Variants in EFHD2 observed in about 807,000 individuals in gnomAD.
The protein encoded by EFHD2 is EF-hand domain family member D2.
EFHD2 carries 12 observed loss-of-function variants against 20.3 expected under a neutral mutation model. The observed-to-expected ratio is 0.59, with a 90% CI of 0.38 to 0.96. The LOEUF (loss-of-function observed/expected upper bound fraction) is 0.96, where lower values mean the gene tolerates loss of function less well. Ranked by LOEUF, EFHD2 falls within the 40% of genes least tolerant of loss-of-function variation. The probability of loss-of-function intolerance (pLI) is 0.00; values close to 1 mark genes in which losing one functional copy is unlikely to be tolerated. For synonymous variants in EFHD2, 131 were observed against 143.9 expected (o/e 0.91, Z 0.64); for missense variants, 250 against 334.3 (o/e 0.75, Z 1.97).
chr1:15,426,085 A>G lies in EFHD2; in HGVS notation c.456+67A>G, dbSNP rs1177039112. ...ACCTGAGGACCTGGTGGCCCGGGAG[A>G]GACCAACCCCCACCCTTTGTCAATG... On this transcript the variant is annotated intron_variant, in intron 2 of 3. Transcript: ENST00000375980. The surrounding 1 kb of genome is among the most constrained non-coding windows in gnomAD (Gnocchi z 4.6). 1.4e-6 allele frequency: 2 copies of G among 1,464,920 alleles called. No homozygotes were observed. The highest frequency in any genetic ancestry group is 2.9e-5 in the African/African-American group (2 of 68,522). 90.7% of individuals were successfully genotyped at this position (1,464,920 alleles called of 1,614,324 possible).
At chr1:15,417,937 G>A (rs1397468750) in intron 1 of EFHD2, among the ~76,000 whole-genome samples, 1 of 151,172 alleles carries the variant, frequency 6.6e-6, no homozygotes, top group Non-Finnish European at 1.5e-5. Context: ...ACTGTGCAGT[G>A]CAGCTTGGGG....
rs1284136166 is a variant in EFHD2 at position 15,426,602 on chromosome 1, G to C, written c.457-548G>C. ...GCCCAACTGGGGCCCAGGAGGTCTG[G>C]CAGGAAGCATGAAGGATGCAGGGAA... On this transcript the variant is annotated intron_variant, in intron 2 of 3. Transcript: ENST00000375980. This position sits in a 1 kb window ranked among gnomAD's most constrained non-coding sequence, Gnocchi z 4.6. 6.6e-6 allele frequency among the ~76,000 whole-genome samples: 1 copy of C among 152,180 alleles called. No homozygotes were observed. The highest frequency in any genetic ancestry group is 1.5e-5 in the Non-Finnish European group (1 of 68,046).
chr1:15,418,125 G>T (rs1380743987), intron 1 of EFHD2, among the ~76,000 whole-genome samples: 2 of 149,916 alleles, frequency 1.3e-5, no homozygotes, highest in East Asian at 2.0e-4. Context: ...TAGTAGCTGG[G>T]ATTACAGGCA....
intron 1 of EFHD2, among the ~76,000 whole-genome samples, chr1:15,424,617 C>A (rs1707843234): frequency 6.6e-6 from 1 of 152,240 alleles, no homozygotes; most frequent in African/African-American, 2.4e-5. Flanking sequence ...TCCCTGAACA[C>A]ACCCAGGCTG....
chr1:15,415,857 C>CT (rs1379756816), intron 1 of EFHD2, among the ~76,000 whole-genome samples: 1 of 152,062 alleles, frequency 6.6e-6, no homozygotes, highest in African/African-American at 2.4e-5. Flanking sequence ...TGTCACTTGT[C>CT]TAAGATTATA....
At chr1:15,410,336 G>A (rs1406880935) in intron 1 of EFHD2, 57 bp downstream of exon 1, 32 of 1,394,076 alleles carry the variant, frequency 2.3e-5, no homozygotes, top group Middle Eastern at 2.5e-4. Context: ...CTCGGGCCCC[G>A]AACCCCCCGA....
intron 1 of EFHD2, among the ~76,000 whole-genome samples, chr1:15,421,073 CT>C (rs941692130): frequency 1.3e-5 from 2 of 152,180 alleles, no homozygotes; most frequent in Non-Finnish European, 2.9e-5. Flanking sequence ...TGTATCGTCT[CT>C]TTTAATCCTT....
Position 15,425,991 on chromosome 1 carries a change from C to T in EFHD2, c.429C>T (p.Asp143=). The T allele has an allele frequency of 6.3e-7, 1 of 1,590,584 alleles. No homozygotes were observed. Among genetic ancestry groups the T allele is most frequent in the Admixed American group, 1.8e-5 (1 of 54,968 alleles). ...ACATGATCAAGGAGGTGGATGAGGA[C>T]TTTGACAGCAAGCTGAGCTTCCGGG... ...LKNMIKEVDE[D]FDSKLSFREF... Residue 143 remains aspartate (D), a synonymous_variant, in exon 2 of 4, where the codon GAC becomes GAT. Transcript: ENST00000375980.
intron 1 of EFHD2, among the ~76,000 whole-genome samples, chr1:15,423,476 G>A (rs751624681): frequency 6.6e-6 from 1 of 152,218 alleles, no homozygotes; most frequent in Non-Finnish European, 1.5e-5. Flanking sequence ...CCCAGGACAC[G>A]TTGGGGAGGG....
At position 15,426,907 on chromosome 1, in the gene EFHD2, G is replaced by A. The variant is rs1707880029; in HGVS notation, c.457-243G>A. On this transcript the variant is annotated intron_variant, in intron 2 of 3. Transcript: ENST00000375980. This position sits in a 1 kb window ranked among gnomAD's most constrained non-coding sequence, Gnocchi z 4.6. ...CGTGTCGTCGGGAGCTGGTGTGGGC[G>A]GGTCAGGGCTGCAGTAGGCCAGCAT... Among the ~76,000 whole-genome samples, 2 of 152,146 alleles carry A rather than the reference G, an allele frequency of 1.3e-5. No homozygotes were observed. Among genetic ancestry groups the A allele is most frequent in the Admixed American group, 6.5e-5 (1 of 15,278 alleles).
chr1:15,421,047 G>A (rs1354039995), intron 1 of EFHD2, among the ~76,000 whole-genome samples: 1 of 152,148 alleles, frequency 6.6e-6, no homozygotes, highest in African/African-American at 2.4e-5. Context: ...ACCAGGCTCT[G>A]TGCCAAGAGT....
rs1707888200 is a variant in EFHD2 at position 15,427,290 on chromosome 1, G to A, written c.591+6G>A. 6.2e-7 allele frequency: 1 copy of A among 1,603,498 alleles called. No individual in the cohort carries two copies. Among genetic ancestry groups the A allele is most frequent in the Non-Finnish European group, 8.5e-7 (1 of 1,175,716 alleles). On this transcript the variant is annotated splice_donor_region_variant and intron_variant, in intron 3 of 3. Coordinates refer to ENST00000375980, the MANE Select transcript of EFHD2 (RefSeq NM_024329.6). ...AGAGCTTCTTTGAGGCCAAGGTGAG[G>A]AGCCCAAGGGGTGCCCTGACCCACG... is the stretch of plus-strand genomic sequence containing the variant.
At position 15,426,221 on chromosome 1, in the gene EFHD2, G is replaced by T. The variant is rs74578382; in HGVS notation, c.456+203G>T. ...CCAGGGAGGGTTCTGAGATCCTCTC[G>T]GGGAGGAAGAGGAGGGAGGGACAGC... On this transcript the variant is annotated intron_variant, in intron 2 of 3. Transcript: ENST00000375980. The surrounding 1 kb of genome is among the most constrained non-coding windows in gnomAD (Gnocchi z 4.6). Among the ~76,000 whole-genome samples the T allele has an allele frequency of 2.6e-5, 4 of 152,190 alleles. No homozygotes were observed. Among genetic ancestry groups the T allele is most frequent in the Admixed American group, 2.6e-4 (4 of 15,280 alleles).
Position 15,426,112 on chromosome 1 carries a change from A to G in EFHD2, c.456+94A>G. 1 of 1,275,666 alleles carries G rather than the reference A, an allele frequency of 7.8e-7. No individual in the cohort carries two copies. The highest frequency in any genetic ancestry group is 1.0e-6 in the Non-Finnish European group (1 of 953,436). 79.0% of individuals were successfully genotyped at this position (1,275,666 alleles called of 1,614,324 possible). On this transcript the variant is annotated intron_variant, in intron 2 of 3. Coordinates refer to ENST00000375980, the MANE Select transcript of EFHD2 (RefSeq NM_024329.6). This position sits in a 1 kb window ranked among gnomAD's most constrained non-coding sequence, Gnocchi z 4.6. ...ACCAACCCCCACCCTTTGTCAATGA[A>G]TGAATGACATTGCCATTGAACAGCA...
chr1:15,415,476 C>T (rs566412299), intron 1 of EFHD2, among the ~76,000 whole-genome samples: 2 of 151,052 alleles, frequency 1.3e-5, no homozygotes, highest in South Asian at 4.2e-4. Flanking sequence ...GAGATTGATA[C>T]TGTCTTTGTT....
chr1:15,428,643 G>T lies in EFHD2; in HGVS notation c.642G>T (p.Glu214Asp), dbSNP rs751012926. 2 of 1,610,824 alleles carry T rather than the reference G, an allele frequency of 1.2e-6. No homozygotes were observed. The highest frequency in any genetic ancestry group is 3.3e-5 in the Admixed American group (2 of 59,754). ...SSRFEEEIKA[E>D]QEERKKQAEE... ...GCTTCGAGGAGGAGATCAAGGCAGA[G>T]CAGGAGGAAAGGAAGAAGCAGGCGG... The change falls in exon 4 of 4, where the codon GAG becomes GAT. Residue 214 changes from glutamate (E) to aspartate (D), a missense_variant. Transcript: ENST00000375980.
intron 1 of EFHD2, among the ~76,000 whole-genome samples, chr1:15,414,055 G>A (rs1331404435): frequency 2.0e-5 from 3 of 152,206 alleles, no homozygotes; most frequent in Non-Finnish European, 2.9e-5. Flanking sequence ...ACAGCCTAGC[G>A]GGGGCTCTGG....
At chr1:15,415,025 C>T (rs1443311847) in intron 1 of EFHD2, among the ~76,000 whole-genome samples, 1 of 152,202 alleles carries the variant, frequency 6.6e-6, no homozygotes, top group East Asian at 1.9e-4. Flanking sequence ...GGTATAAAAA[C>T]ACCCTGAGTC....
chr1:15,420,374 C>T (rs1707769358), intron 1 of EFHD2, among the ~76,000 whole-genome samples: 4 of 152,172 alleles, frequency 2.6e-5, no homozygotes, highest in African/African-American at 9.7e-5. Context: ...CAAGGTCTCA[C>T]TCTGTTGCCC....
Sources: allele counts gnomAD v4.1 joint callset (sites outside exome capture counted in the v4.1 genomes callset), GRCh38; gene constraint gnomAD v4.1.1; non-coding constraint Gnocchi (gnomAD v3.1); transcripts MANE v1.5; gene names NCBI Gene and HGNC (gene_info 2026-07-23, HGNC 2026-07-21).